Variants in PAK4 observed in about 807,000 individuals in gnomAD.
PAK4 encodes p21 (RAC1) activated kinase 4.
In PAK4, 49 loss-of-function variants were observed where a neutral mutation model predicts 53.5. The observed-to-expected ratio is 0.92, with a 90% confidence interval of 0.73 to 1.16. The LOEUF is 1.16. Among genes scored for constraint, PAK4 ranks in the 50% most tolerant of loss-of-function variants. PAK4 has a pLI of 0.00. For missense variants in PAK4, 824 were observed against 850.7 expected (o/e 0.97, Z 0.39); for synonymous variants, 376 against 375.6 (o/e 1.00, Z -0.01).
At position 39,175,532 on chromosome 19, in the gene PAK4, T is replaced by A; in HGVS notation, c.1359+94T>A. On this transcript the variant is annotated intron_variant, in intron 6 of 8. Coordinates refer to ENST00000358301, the Ensembl canonical transcript of PAK4. The surrounding 1 kb of genome is among the most constrained non-coding windows in gnomAD (Gnocchi z 4.7). ...ATCCCCTGTGAGGGTAGGTGAGCTC[T>A]GACCCCCAGGTCTGTGTCTTGAGGA... 7.5e-7 allele frequency: 1 copy of A among 1,329,398 alleles called. No homozygotes were observed. The highest frequency in any genetic ancestry group is 1.9e-4 in the Middle Eastern group (1 of 5,306). The allele number at this position is 1,329,398 out of a possible 1,614,324, so 82.4% of individuals were successfully genotyped here.
At chr19:39,162,603 C>T (rs2074303139) in intron 1 of PAK4, among the ~76,000 whole-genome samples, 1 of 152,120 alleles carries the variant, frequency 6.6e-6, no homozygotes, top group African/African-American at 2.4e-5. Context: ...CCTCCCCTCC[C>T]CTCAGCTCCT....
intron 1 of PAK4, among the ~76,000 whole-genome samples, chr19:39,147,841 G>GTTTTTTTT (rs35845376): frequency 1.5e-3 from 20 of 13,222 alleles, no homozygotes; most frequent in Non-Finnish European, 2.0e-3. Flanking sequence ...TTGTTTTCGG[G>GTTTTTTTT]TTTTTTTTTT....
intron 1 of PAK4, among the ~76,000 whole-genome samples, chr19:39,126,272 AGGTTTAAAGCT>A (rs1568491644): frequency 6.6e-6 from 1 of 151,780 alleles, no homozygotes; most frequent in Non-Finnish European, 1.5e-5. Flanking sequence ...GCCAGGTTGG[AGGTTTAAAGCT>A]GCCCCTAGCG....
chr19:39,132,931 A>T (rs546696263), intron 1 of PAK4, among the ~76,000 whole-genome samples: 1 of 152,218 alleles, frequency 6.6e-6, no homozygotes, highest in South Asian at 2.1e-4. Context: ...GTTGAAAGCC[A>T]TCTTGAGCTT....
chr19:39,140,129 CTG>C (rs1295558628), intron 1 of PAK4, among the ~76,000 whole-genome samples: 5 of 152,270 alleles, frequency 3.3e-5, no homozygotes, highest in African/African-American at 1.2e-4. Flanking sequence ...TGTTTCACCT[CTG>C]TCTCTCTCCC....
intron 1 of PAK4, among the ~76,000 whole-genome samples, chr19:39,153,773 G>C (rs981876354): frequency 1.3e-5 from 2 of 152,046 alleles, no homozygotes; most frequent in Non-Finnish European, 2.9e-5. Context: ...TGTAGAGATG[G>C]GGTTTCACAA....
At chr19:39,174,556 C>T (rs1028220514) in intron 4 of PAK4, among the ~76,000 whole-genome samples, 11 of 152,042 alleles carry the variant, frequency 7.2e-5, no homozygotes, top group African/African-American at 2.7e-4. Flanking sequence ...ATCACAGTGC[C>T]GGGCTGCACC....
At position 39,178,802 on chromosome 19, in the gene PAK4, G is replaced by T; in HGVS notation, c.*223G>T. 1 of 489,050 alleles carries T rather than the reference G, an allele frequency of 2.0e-6. No individual in the cohort carries two copies. Among genetic ancestry groups the T allele is most frequent in the East Asian group, 3.7e-5 (1 of 26,974 alleles). 30.3% of individuals were successfully genotyped at this position (489,050 alleles called of 1,614,324 possible). On this transcript the variant is annotated 3_prime_UTR_variant, in exon 9 of 9. Transcript: ENST00000358301. This position sits in a 1 kb window ranked among gnomAD's most constrained non-coding sequence, Gnocchi z 4.4. ...TCGTGGGAGCAAGCGAGGCTCCCAG[G>T]ACCCCCACCCTCTGGGACAGGCCCT...
chr19:39,180,022 G>A (rs1302554757), downstream of PAK4: 1 of 152,362 alleles, frequency 6.6e-6, no homozygotes, highest in Non-Finnish European at 1.5e-5. Flanking sequence ...CAGTGGAGTG[G>A]GGAGAGAGCC....
intron 1 of PAK4, among the ~76,000 whole-genome samples, chr19:39,142,129 G>A (rs1307237897): frequency 6.6e-6 from 1 of 152,124 alleles, no homozygotes; most frequent in Admixed American, 6.5e-5. Flanking sequence ...GGTGTGCGCC[G>A]TCATGCTCAG....
downstream of PAK4, chr19:39,179,885 G>C (rs1316048000): frequency 1.3e-5 from 2 of 152,252 alleles, no homozygotes; most frequent in Non-Finnish European, 2.9e-5. Context: ...CCGAGCCCAC[G>C]CTGGGGGGAA....
chr19:39,146,856 AGAGAGAGGGAGAAAGGGAGAGAGG>A (rs1177804306), intron 1 of PAK4, among the ~76,000 whole-genome samples: 3 of 148,374 alleles, frequency 2.0e-5, no homozygotes, highest in African/African-American at 7.4e-5. Flanking sequence ...AGAGAGAAAG[AGAGAGAGGGAGAAAGGGAGAGAGG>A]GAGGGAGGGA....
At chr19:39,147,538 G>A (rs527333780) in intron 1 of PAK4, among the ~76,000 whole-genome samples, 3 of 152,150 alleles carry the variant, frequency 2.0e-5, no homozygotes, top group South Asian at 2.1e-4. Context: ...GCTGGGCAGC[G>A]TGCTGGTTGC....
In PAK4 at chr19:39,175,125, G is replaced by A; in HGVS notation, c.1232+61G>A. The A allele has an allele frequency of 6.4e-7, 1 of 1,554,558 alleles. No homozygotes were observed. The highest frequency in any genetic ancestry group is 8.7e-7 in the Non-Finnish European group (1 of 1,146,340). The stretch of plus-strand genomic sequence containing the variant: ...ACCAAGTCCCCTCCAGACCACTAGG[G>A]GTGGGGCCACATCTCCAAACCAGCT... On this transcript the variant is annotated intron_variant, in intron 5 of 8. Coordinates refer to ENST00000358301, the Ensembl canonical transcript of PAK4. The surrounding 1 kb of genome is among the most constrained non-coding windows in gnomAD (Gnocchi z 4.7).
chr19:39,176,026 G>A (rs1375782583), intron 6 of PAK4, among the ~76,000 whole-genome samples: 2 of 152,198 alleles, frequency 1.3e-5, no homozygotes, highest in Non-Finnish European at 2.9e-5. Flanking sequence ...TGTGTTTTGG[G>A]GGCGATGTCT....
intron 1 of PAK4, among the ~76,000 whole-genome samples, chr19:39,162,122 G>A (rs1006010630): frequency 6.6e-6 from 1 of 151,886 alleles, no homozygotes; most frequent in African/African-American, 2.4e-5. Flanking sequence ...ACCACGCCAG[G>A]CTAATTTTTT....
intron 1 of PAK4, among the ~76,000 whole-genome samples, chr19:39,134,547 A>G (rs2145116031): frequency 6.6e-6 from 1 of 152,078 alleles, no homozygotes; most frequent in South Asian, 2.1e-4. Context: ...GGCCTGTGAG[A>G]TCCATCTGTG....
exon 2 of PAK4, chr19:39,169,695 C>T (rs548064368): frequency 5.0e-6 from 8 of 1,612,116 alleles, no homozygotes; most frequent in South Asian, 1.1e-5. Flanking sequence ...GGAGTCGGCT[C>T]GCCGGCCCAA....
chr19:39,173,529 C>A lies in PAK4; in HGVS notation c.664-47C>A. On this transcript the variant is annotated intron_variant, in intron 3 of 8. Transcript: ENST00000358301. This position sits in a 1 kb window ranked among gnomAD's most constrained non-coding sequence, Gnocchi z 6.9. ...TCTCTCTCCTGCTTAGGGAGCAGAG[C>A]TGCTCCCTGGCACCCATCACTGACA... 4 of 1,457,552 alleles carry A rather than the reference C, an allele frequency of 2.7e-6. No homozygotes were observed. In the East Asian group the frequency reaches 6.9e-5, roughly 25 times the overall value. The allele number at this position is 1,457,552 out of a possible 1,614,324, so 90.3% of individuals were successfully genotyped here.
Sources: gnomAD v4.1 joint callset for allele counts (sites outside exome capture counted in the v4.1 genomes callset) on GRCh38, gnomAD v4.1.1 for gene constraint, Gnocchi (gnomAD v3.1) non-coding constraint, MANE v1.5 for transcripts, NCBI Gene and HGNC (gene_info 2026-07-23, HGNC 2026-07-21) for gene names.